Variants in DMRT2 observed in about 807,000 individuals in gnomAD.
DMRT2 encodes doublesex- and mab-3-related transcription factor 2.
DMRT2 carries 33 observed loss-of-function variants against 43.5 expected under a neutral mutation model. The observed-to-expected ratio is 0.76, with a 90% confidence interval of 0.58 to 1.01. DMRT2 has a LOEUF of 1.01. Among genes scored for constraint, DMRT2 ranks in the 50% least tolerant of loss-of-function variants. The pLI is 0.00. For missense variants in DMRT2, 1,064 were observed against 748.0 expected (o/e 1.42, Z -4.93); for synonymous variants, 395 against 309.2 (o/e 1.28, Z -2.91).
chr9:1,054,798 A>T (rs187647838), intron 3 of DMRT2: 4 of 152,274 alleles, frequency 2.6e-5, no homozygotes, highest in African/African-American at 9.6e-5. Flanking sequence ...AGTAAACAAA[A>T]ATTTTTAAGT....
chr9:1,054,085 T>G (rs1367943139), intron 3 of DMRT2, among the ~76,000 whole-genome samples: 1 of 152,210 alleles, frequency 6.6e-6, no homozygotes, highest in Non-Finnish European at 1.5e-5. Context: ...ACATACCTCC[T>G]GAGGTTTCTG....
intron 2 of DMRT2, 129 bp from the exon 3 acceptor site, chr9:1,053,593 C>T: frequency 2.4e-6 from 2 of 831,368 alleles, no homozygotes; most frequent in Non-Finnish European, 3.8e-6. Flanking sequence ...ATTTTTCACA[C>T]GGAATGGGAA....
chr9:1,055,798 A>C, intron 3 of DMRT2: 1 of 1,504,314 alleles, frequency 6.6e-7, no homozygotes, highest in Non-Finnish European at 8.9e-7. Context: ...CATCAGCTCT[A>C]GGTATAGATA....
In DMRT2 at chr9:1,057,400, A is replaced by T. The variant is rs1822082284; in HGVS notation, c.*127A>T. The T allele has an allele frequency of 1.9e-6, 2 of 1,038,478 alleles. No homozygotes were observed. The highest frequency in any genetic ancestry group is 5.2e-5 in the East Asian group (2 of 38,386). The allele number at this position is 1,038,478 out of a possible 1,614,324, so 64.3% of individuals were successfully genotyped here. A position where few individuals can be genotyped will look rare whatever the true frequency, so the allele number is the denominator to read the frequency against. On this transcript the variant is annotated 3_prime_UTR_variant, in exon 4 of 4. Transcript: ENST00000358146. ...AATGTAAAGATGATGATTTTGAAAA[A>T]TTTTATATATTCCTAATATGCATGT... is the stretch of plus-strand genomic sequence containing the variant.
intron 2 of DMRT2, among the ~76,000 whole-genome samples, chr9:1,052,662 G>T (rs1197777850): frequency 6.6e-6 from 1 of 152,066 alleles, no homozygotes; most frequent in African/African-American, 2.4e-5. Flanking sequence ...GAAATTAGAT[G>T]CCTGCAGCCC....
In DMRT2 at chr9:1,057,099, A is replaced by G; in HGVS notation, c.1512A>G (p.Arg504=). ...TTGAAGAGACCCCTAAGAAACACAG[A>G]GAGTGTTTAGTTAAGGACAACCAGA... ...EAFEETPKKH[R]ECLVKDNQKY... is the part of the protein sequence containing the mutation. The change falls in exon 4 of 4, where the codon AGA becomes AGG. Residue 504 remains arginine, a synonymous_variant. Coordinates refer to ENST00000358146, the MANE Select transcript of DMRT2 (RefSeq NM_181872.6). 1.2e-6 allele frequency: 2 copies of G among 1,614,174 alleles called. No individual in the cohort carries two copies. Among genetic ancestry groups the G allele is most frequent in the Non-Finnish European group, 1.7e-6 (2 of 1,180,042 alleles).
At position 1,051,764 on chromosome 9, in the gene DMRT2, G is replaced by A. The variant is rs866098197; in HGVS notation, c.151G>A (p.Asp51Asn). 6.6e-7 allele frequency: 1 copy of A among 1,525,766 alleles called. No individual in the cohort carries two copies. Among genetic ancestry groups the A allele is most frequent in the South Asian group, 1.2e-5 (1 of 82,766 alleles). 94.5% of individuals were successfully genotyped at this position (1,525,766 alleles called of 1,614,324 possible). A position where few individuals can be genotyped will look rare whatever the true frequency, so the allele number is the denominator to read the frequency against. Residue 51 changes from aspartate (D) to asparagine (N), a missense_variant, in exon 2 of 4, where the codon GAT becomes AAT. Coordinates refer to ENST00000358146, the MANE Select transcript of DMRT2 (RefSeq NM_181872.6). The surrounding 1 kb of genome is among the most constrained non-coding windows in gnomAD (Gnocchi z 5.9). ...PADGDCEDDE[D>N]DDGVDEDAEE... ...GGACGGGGACTGCGAGGACGACGAAGATGACGACGGGGTGGACGAAGACGC... is the reference window on the plus strand; with the variant it reads ...GGACGGGGACTGCGAGGACGACGAAAATGACGACGGGGTGGACGAAGACGC...
chr9:1,055,932 A>T (rs1821952116), intron 3 of DMRT2: 8 of 1,411,046 alleles, frequency 5.7e-6, no homozygotes, highest in Non-Finnish European at 6.4e-6. Context: ...TAATCAATAA[A>T]GTATGTCTGT....
rs1821544049 is a variant in DMRT2 at position 1,051,182 on chromosome 9, A to T, written c.-44-388A>T. ...TTCTTCCACGGATAGTTTTATATGC[A>T]TCATGGCCATACTAGTTGAGTATGG... On this transcript the variant is annotated intron_variant, in intron 1 of 3. Transcript: ENST00000358146. This position sits in a 1 kb window ranked among gnomAD's most constrained non-coding sequence, Gnocchi z 5.9. 6.6e-6 allele frequency among the ~76,000 whole-genome samples: 1 copy of T among 152,130 alleles called. No individual in the cohort carries two copies. The highest frequency in any genetic ancestry group is 2.1e-4 in the South Asian group (1 of 4,828).
rs949444919 is a variant in DMRT2, at chr9:1,051,540, G to A, written c.-44-30G>A. ...GGGATGGTCCCTGACGGCGGCCGGT[G>A]GGTCTTTGGATTTCTTTGTGTTTCC... is the stretch of plus-strand genomic sequence containing the variant. On this transcript the variant is annotated intron_variant, in intron 1 of 3. Coordinates refer to ENST00000358146, the MANE Select transcript of DMRT2 (RefSeq NM_181872.6). This position sits in a 1 kb window ranked among gnomAD's most constrained non-coding sequence, Gnocchi z 5.9. The A allele has an allele frequency of 8.4e-6, 12 of 1,431,466 alleles. No homozygotes were observed. Among genetic ancestry groups the A allele is most frequent in the African/African-American group, 3.0e-5 (2 of 66,514 alleles). The allele number at this position is 1,431,466 out of a possible 1,614,324, so 88.7% of individuals were successfully genotyped here.
intron 2 of DMRT2, among the ~76,000 whole-genome samples, chr9:1,052,426 A>AT (rs1563720988): frequency 3.3e-5 from 5 of 151,674 alleles, no homozygotes; most frequent in African/African-American, 7.3e-5. Flanking sequence ...CAATGTTTTT[A>AT]TTTTTTTGCA....
At chr9:1,056,018 C>G in intron 3 of DMRT2, 198 bp from the exon 4 acceptor site, 2 of 1,416,242 alleles carry the variant, frequency 1.4e-6, no homozygotes, top group Non-Finnish European at 9.1e-7. Context: ...GAAGAAGTTG[C>G]AGTATGGATA....
At position 1,056,519 on chromosome 9, in the gene DMRT2, T is replaced by C. The variant is rs770167252; in HGVS notation, c.932T>C (p.Met311Thr). ...NFLPTCLDLT[M>T]QYSGSGNMEL... Reference sequence around the variant, plus strand: ...TTGCCCACCTGCCTTGATTTAACCATGCAGTATTCAGGGTCTGGGAATATG... The same window carrying C: ...TTGCCCACCTGCCTTGATTTAACCACGCAGTATTCAGGGTCTGGGAATATG... Residue 311 changes from methionine to threonine, a missense_variant, in exon 4 of 4, where the codon ATG becomes ACG. Physicochemically the swap from Met to Thr is moderately conservative, Grantham distance 81. Coordinates refer to ENST00000358146, the MANE Select transcript of DMRT2 (RefSeq NM_181872.6). 25 of 1,614,090 alleles carry C rather than the reference T, an allele frequency of 1.5e-5. 1 individual carries two copies. Among genetic ancestry groups the C allele is most frequent in the South Asian group, 7.7e-5 (7 of 91,088 alleles).
Position 1,057,273 on chromosome 9 carries a change from A to C in DMRT2, c.1686A>C (p.Ter562CysextTer4). The change falls in exon 4 of 4, where the codon TGA (stop) becomes TGC (cysteine). Residue 562 changes from the stop codon to cysteine, a stop_lost. Transcript: ENST00000358146. ...CTGCCATCACTCGTGTCTCTCAGTG[A>C]AAGGCTGCTTAAACAGAAAGCTGGA... ...PSSAITRVSQ* is the reference protein window; with the variant it reads ...PSSAITRVSQC 1.2e-6 allele frequency: 2 copies of C among 1,602,864 alleles called. No individual in the cohort carries two copies. The highest frequency in any genetic ancestry group is 2.2e-5 in the South Asian group (2 of 90,334).
Position 1,052,102 on chromosome 9 carries a change from C to A in DMRT2, c.489C>A (p.Ala163=). The change falls in exon 2 of 4, where the codon GCC becomes GCA. Residue 163 remains alanine, a synonymous_variant. Coordinates refer to ENST00000358146, the MANE Select transcript of DMRT2 (RefSeq NM_181872.6). ...LLVVERQRVM[A]AQVALRRQQA... ...TGGTGGAGCGGCAGCGCGTCATGGC[C>A]GCCCAGGTGGCGCTCCGGAGGCAGC... is the stretch of plus-strand genomic sequence containing the variant. 4.9e-6 allele frequency: 7 copies of A among 1,437,786 alleles called. No individual in the cohort carries two copies. Among genetic ancestry groups the A allele is most frequent in the Non-Finnish European group, 2.7e-6 (3 of 1,102,200 alleles). The allele number at this position is 1,437,786 out of a possible 1,614,324, so 89.1% of individuals were successfully genotyped here. A position where few individuals can be genotyped will look rare whatever the true frequency, so the allele number is the denominator to read the frequency against.
Position 1,057,242 on chromosome 9 carries a change from C to CCTCT in DMRT2, c.1655_1656insCTCT (p.Ser554PhefsTer24), listed in dbSNP as rs1200969390. Reference sequence around the variant, plus strand: ...TCTGTTGAGTCTATTCTTAAGAGGCCTTCATCTGCCATCACTCGTGTCTCT... The same window carrying CCTCT: ...TCTGTTGAGTCTATTCTTAAGAGGCCCTCTTTCATCTGCCATCACTCGTGTCTCT... On this transcript the variant is annotated frameshift_variant, in exon 4 of 4. Coordinates refer to ENST00000358146, the MANE Select transcript of DMRT2 (RefSeq NM_181872.6). LOFTEE classifies it high-confidence loss of function. 6.2e-7 allele frequency: 1 copy of CCTCT among 1,612,410 alleles called. No individual in the cohort carries two copies. Among genetic ancestry groups the CCTCT allele is most frequent in the Non-Finnish European group, 8.5e-7 (1 of 1,179,392 alleles).
rs147461872 is a variant in DMRT2 at position 1,056,887 on chromosome 9, C to A, written c.1300C>A (p.Arg434=). 4 of 1,614,032 alleles carry A rather than the reference C, an allele frequency of 2.5e-6. No individual in the cohort carries two copies. Among genetic ancestry groups the A allele is most frequent in the South Asian group, 1.1e-5 (1 of 91,080 alleles). The change falls in exon 4 of 4, where the codon CGG becomes AGG. Residue 434 remains arginine, a synonymous_variant. Coordinates refer to ENST00000358146, the MANE Select transcript of DMRT2 (RefSeq NM_181872.6). The stretch of plus-strand genomic sequence containing the variant: ...GAGGTCCGCGTTCTCCCCACCCCGA[C>A]GGAATTTCTCTCCCATTGTTGACAC... ...PERSAFSPPR[R]NFSPIVDTDS... is the part of the protein sequence containing the mutation.
At chr9:1,050,939 G>A (rs1418985128) in intron 1 of DMRT2, among the ~76,000 whole-genome samples, 164 bp downstream of exon 1, 1 of 152,156 alleles carries the variant, frequency 6.6e-6, no homozygotes, top group African/African-American at 2.4e-5. Flanking sequence ...TACTATTAAG[G>A]CTGGACGGGC....
At position 1,056,562 on chromosome 9, in the gene DMRT2, T is replaced by A; in HGVS notation, c.975T>A (p.Asn325Lys). 1.2e-6 allele frequency: 2 copies of A among 1,614,240 alleles called. No homozygotes were observed. The highest frequency in any genetic ancestry group is 1.7e-6 in the Non-Finnish European group (2 of 1,180,042). The part of the protein sequence containing the change: ...GSGNMELISS[N>K]VSVATTYRQY... ...GGAATATGGAACTAATTTCTTCTAA[T>A]GTCAGCGTGGCCACAACTTATAGAC... The change falls in exon 4 of 4, where the codon AAT (asparagine) becomes AAA (lysine). Residue 325 changes from asparagine to lysine, a missense_variant. Physicochemically the swap from Asn to Lys is moderately conservative, Grantham distance 94. Transcript: ENST00000358146.
Sources: gnomAD v4.1 joint callset for allele counts (sites outside exome capture counted in the v4.1 genomes callset) on GRCh38, gnomAD v4.1.1 for gene constraint, Gnocchi (gnomAD v3.1) non-coding constraint, MANE v1.5 for transcripts, NCBI Gene and HGNC (gene_info 2026-07-23, HGNC 2026-07-21) for gene names.